L3MBTL4: variants seen among roughly 807,000 people sequenced by gnomAD.
L3MBTL4 encodes the protein lethal(3)malignant brain tumor-like protein 4.
In L3MBTL4, 70 loss-of-function variants were observed where a neutral mutation model predicts 84.5. The observed-to-expected ratio is 0.83, with a 90% CI of 0.68 to 1.01. The LOEUF (loss-of-function observed/expected upper bound fraction) is 1.01. Among genes scored for constraint, L3MBTL4 ranks in the 50% least tolerant of loss-of-function variants. The pLI is 0.00. For missense variants in L3MBTL4, 715 were observed against 754.8 expected, an observed-to-expected ratio of 0.95 and a Z score of 0.62; for synonymous variants, 274 against 259.8, an observed-to-expected ratio of 1.05 and a Z score of -0.52.
At chr18:6,249,197 A>G (rs575150283) in intron 5 of L3MBTL4, among the ~76,000 whole-genome samples, 15 of 152,328 alleles carry the variant, frequency 9.8e-5, no homozygotes, top group African/African-American at 3.6e-4. Context: ...ATACAAATAC[A>G]CATGCACACA....
At chr18:6,196,259 G>A (rs980060851) in intron 12 of L3MBTL4, among the ~76,000 whole-genome samples, 4 of 148,840 alleles carry the variant, frequency 2.7e-5, no homozygotes, top group East Asian at 2.0e-4. Context: ...CCGGGTTCAC[G>A]CCATTCTCCT....
chr18:6,058,626 A>G (rs942960023), intron 16 of L3MBTL4, among the ~76,000 whole-genome samples: 4 of 152,076 alleles, frequency 2.6e-5, no homozygotes, highest in Non-Finnish European at 4.4e-5. Context: ...TGGCCTGGGG[A>G]CATTTCCCTT....
intron 16 of L3MBTL4, among the ~76,000 whole-genome samples, chr18:6,001,854 A>G (rs1028478950): frequency 2.0e-5 from 3 of 152,182 alleles, no homozygotes; most frequent in Non-Finnish European, 4.4e-5. Context: ...AAAGAGAGGG[A>G]GCAAAGAGCA....
In L3MBTL4 at chr18:6,026,104, G is replaced by A. The variant is rs534364881; in HGVS notation, c.1444+54777C>T. 3.9e-5 allele frequency among the ~76,000 whole-genome samples: 6 copies of A among 152,304 alleles called. 1 individual carries two copies. In the South Asian group the frequency reaches 6.2e-4, roughly 16 times the overall value. On this transcript the variant is annotated intron_variant, in intron 16 of 18. Transcript: ENST00000317931. ...ATGATACGACTGACTTCTCTCATGT[G>A]TCTTTTCCTCCCATTGATTCTTTCT...
At chr18:6,376,533 G>T (rs2144275269) in intron 1 of L3MBTL4, among the ~76,000 whole-genome samples, 1 of 152,262 alleles carries the variant, frequency 6.6e-6, no homozygotes, top group East Asian at 1.9e-4. Context: ...GGGACCAGGA[G>T]TTTCAGACCA....
At chr18:6,121,099 T>C (rs2059509302) in intron 14 of L3MBTL4, among the ~76,000 whole-genome samples, 1 of 152,222 alleles carries the variant, frequency 6.6e-6, no homozygotes, top group Non-Finnish European at 1.5e-5. Context: ...CAAAGAATTA[T>C]CTGTTGTCCA....
In L3MBTL4 at chr18:6,333,584, A is replaced by C. The variant is rs546562770; in HGVS notation, c.-90-21528T>G. 7.9e-5 allele frequency among the ~76,000 whole-genome samples: 12 copies of C among 152,248 alleles called. No individual in the cohort carries two copies. The South Asian group carries it at 1.2e-3, about 16-fold the overall frequency. ...GTGAGACTCCATCTCAAAAAAAAAAAAAAAAACCTAATTGTTTATGAATAA... is the reference window on the plus strand; with the variant it reads ...GTGAGACTCCATCTCAAAAAAAAAACAAAAAACCTAATTGTTTATGAATAA... On this transcript the variant is annotated intron_variant, in intron 1 of 18. Transcript: ENST00000317931.
intron 16 of L3MBTL4, among the ~76,000 whole-genome samples, chr18:6,066,580 G>C (rs779572169): frequency 3.9e-5 from 6 of 152,028 alleles, no homozygotes; most frequent in Non-Finnish European, 5.9e-5. Context: ...CTTCTTGTTG[G>C]ACTAATCCTC....
At chr18:6,274,996 C>T (rs2049021557) in intron 4 of L3MBTL4, among the ~76,000 whole-genome samples, 1 of 152,162 alleles carries the variant, frequency 6.6e-6, no homozygotes, top group African/African-American at 2.4e-5. Context: ...GAGGAGGGGG[C>T]TTAGTACATT....
At chr18:6,351,798 G>C (rs879744259) in intron 1 of L3MBTL4, among the ~76,000 whole-genome samples, 4 of 151,912 alleles carry the variant, frequency 2.6e-5, no homozygotes, top group African/African-American at 9.7e-5. Context: ...TGATCCGCCC[G>C]CCTCAGCCTC....
At chr18:6,238,690 A>T (rs1160023847) in intron 9 of L3MBTL4, among the ~76,000 whole-genome samples, 1 of 152,176 alleles carries the variant, frequency 6.6e-6, no homozygotes, top group Non-Finnish European at 1.5e-5. Context: ...CAGACTCCAG[A>T]TGACATCTTT....
chr18:6,185,253 A>C (rs1312908410), intron 12 of L3MBTL4, among the ~76,000 whole-genome samples: 1 of 152,208 alleles, frequency 6.6e-6, no homozygotes, highest in Non-Finnish European at 1.5e-5. Context: ...ACATGCTGAC[A>C]CGTGCTGACA....
At position 6,327,383 on chromosome 18, in the gene L3MBTL4, GAATA is replaced by G. The variant is rs373698920; in HGVS notation, c.-90-15331_-90-15328del. On this transcript the variant is annotated intron_variant, in intron 1 of 18. Coordinates refer to ENST00000317931, the MANE Select transcript of L3MBTL4 (RefSeq NM_001330559.2). ...CCCAAACACCCATCAGTAGGAAAAT[GAATA>G]AATAAATTGTGATATATTCAAAAAT... Among the ~76,000 whole-genome samples the G allele has an allele frequency of 7.2e-4, 110 of 152,188 alleles. 1 individual carries two copies. Among genetic ancestry groups the G allele is most frequent in the African/African-American group, 2.6e-3 (106 of 41,516 alleles).
At chr18:5,982,891 T>C (rs986939903) in intron 16 of L3MBTL4, among the ~76,000 whole-genome samples, 2 of 152,216 alleles carry the variant, frequency 1.3e-5, no homozygotes, top group Non-Finnish European at 2.9e-5. Context: ...TTAGTAAATA[T>C]AACTACTAAG....
intron 16 of L3MBTL4, among the ~76,000 whole-genome samples, chr18:5,983,459 A>G (rs951611756): frequency 1.1e-4 from 17 of 152,180 alleles, no homozygotes; most frequent in African/African-American, 3.6e-4. Context: ...ATTATCAACT[A>G]TAAAAGGCAA....
chr18:6,239,113 G>A lies in L3MBTL4; in HGVS notation c.707+605C>T, dbSNP rs374378878. 2.8e-3 allele frequency among the ~76,000 whole-genome samples: 428 copies of A among 151,978 alleles called. 5 individuals carry two copies. Among genetic ancestry groups the A allele is most frequent in the African/African-American group, 9.5e-3 (392 of 41,476 alleles). Reference sequence around the variant, plus strand: ...TCCCAGCACTTTGGGAGGCCGAGGCGGGCGGATCACGAGGTCAGGAGATCG... The same window carrying A: ...TCCCAGCACTTTGGGAGGCCGAGGCAGGCGGATCACGAGGTCAGGAGATCG... On this transcript the variant is annotated intron_variant, in intron 9 of 18. Coordinates refer to ENST00000317931, the MANE Select transcript of L3MBTL4 (RefSeq NM_001330559.2).
At chr18:6,024,798 A>G (rs2055428643) in intron 16 of L3MBTL4, among the ~76,000 whole-genome samples, 1 of 152,214 alleles carries the variant, frequency 6.6e-6, no homozygotes, top group Non-Finnish European at 1.5e-5. Flanking sequence ...AATGAGTATT[A>G]AAAAAGACCC....
At chr18:6,406,810 T>A (rs971147907) in intron 1 of L3MBTL4, among the ~76,000 whole-genome samples, 1 of 152,110 alleles carries the variant, frequency 6.6e-6, no homozygotes, top group African/African-American at 2.4e-5. Context: ...TGAATCCAAA[T>A]GTGTAACTAC....
At chr18:6,307,152 G>C (rs777941834) in intron 3 of L3MBTL4, among the ~76,000 whole-genome samples, 5 of 151,988 alleles carry the variant, frequency 3.3e-5, no homozygotes, top group Non-Finnish European at 7.4e-5. Flanking sequence ...AAGTTATATG[G>C]CCAGACACAG....
Sources: allele counts gnomAD v4.1 joint callset (sites outside exome capture counted in the v4.1 genomes callset), GRCh38; gene constraint gnomAD v4.1.1; transcripts MANE v1.5; gene names NCBI Gene and HGNC (gene_info 2026-07-23, HGNC 2026-07-21).